Variants in PPP4R1 observed in about 807,000 individuals in gnomAD.
PPP4R1 encodes protein phosphatase 4 regulatory subunit 1, also known as serine/threonine-protein phosphatase 4 regulatory subunit 1.
Under a neutral mutation model 111.2 loss-of-function variants are expected in PPP4R1, and 42 were observed. The observed-to-expected ratio is 0.38, with a 90% CI of 0.29 to 0.49. The LOEUF (loss-of-function observed/expected upper bound fraction) is 0.49, where lower values mean the gene tolerates loss of function less well. Ranked by LOEUF, PPP4R1 falls within the 20% of genes least tolerant of loss-of-function variation. PPP4R1 has a pLI of 0.97. For missense variants in PPP4R1, 1,012 were observed against 1,161.6 expected (o/e 0.87, Z 1.87); for synonymous variants, 409 against 405.5 (o/e 1.01, Z -0.10).
intron 13 of PPP4R1, 140 bp downstream of exon 13, chr18:9,561,840 G>A: frequency 4.5e-6 from 3 of 660,762 alleles, no homozygotes; most frequent in South Asian, 3.6e-5. Context: ...CTACTACTTC[G>A]ATTTCCTTAT....
intron 11 of PPP4R1, among the ~76,000 whole-genome samples, chr18:9,569,527 T>G (rs967615341): frequency 6.6e-6 from 1 of 152,186 alleles, no homozygotes; most frequent in Non-Finnish European, 1.5e-5. Context: ...ACTTTAAAAC[T>G]GTAAAGCACT....
chr18:9,588,862 A>G lies in PPP4R1; in HGVS notation c.296-9T>C. 6.2e-7 allele frequency: 1 copy of G among 1,611,060 alleles called. No homozygotes were observed. The highest frequency in any genetic ancestry group is 8.5e-7 in the Non-Finnish European group (1 of 1,179,024). ...CGCTCTCACAGTTGGTTCTATTGAA[A>G]TAACGGCAATGTGAGCAAACATGTT... On this transcript the variant is annotated splice_polypyrimidine_tract_variant and intron_variant, in intron 4 of 19. Coordinates refer to ENST00000400556, the MANE Select transcript of PPP4R1 (RefSeq NM_001042388.3).
At chr18:9,564,093 T>G (rs1041685146) in intron 11 of PPP4R1, among the ~76,000 whole-genome samples, 11 of 152,184 alleles carry the variant, frequency 7.2e-5, no homozygotes, top group Non-Finnish European at 1.5e-4. Flanking sequence ...TAATCCCAAA[T>G]GAGCACTGTC....
intron 2 of PPP4R1, among the ~76,000 whole-genome samples, chr18:9,599,152 T>C (rs970078300): frequency 2.6e-5 from 4 of 152,184 alleles, no homozygotes; most frequent in South Asian, 2.1e-4. Context: ...TAAATATATA[T>C]TGTGGGGTTC....
intron 13 of PPP4R1, among the ~76,000 whole-genome samples, chr18:9,561,038 C>T (rs1205136847): frequency 2.0e-5 from 3 of 150,676 alleles, no homozygotes; most frequent in East Asian, 2.0e-4. Flanking sequence ...GCCAACACGG[C>T]GAAACACTGT....
intron 2 of PPP4R1, among the ~76,000 whole-genome samples, chr18:9,597,166 T>C (rs1192054555): frequency 6.6e-6 from 1 of 151,828 alleles, no homozygotes; most frequent in Non-Finnish European, 1.5e-5. Context: ...AGATAAAACA[T>C]ACGAAGCCAT....
intron 11 of PPP4R1, among the ~76,000 whole-genome samples, chr18:9,569,771 C>T (rs958771477): frequency 2.6e-5 from 4 of 152,108 alleles, no homozygotes; most frequent in African/African-American, 9.7e-5. Flanking sequence ...ACTATCAGAG[C>T]AAGCTGCTGC....
At chr18:9,548,293 A>G (rs1390767253) in intron 19 of PPP4R1, among the ~76,000 whole-genome samples, 5 of 151,962 alleles carry the variant, frequency 3.3e-5, no homozygotes, top group Admixed American at 2.0e-4. Context: ...AAAAAAAAAA[A>G]AAGGAGAAAA....
chr18:9,566,648 G>GACACACACACACAC (rs56772611), intron 11 of PPP4R1, among the ~76,000 whole-genome samples: 4 of 144,122 alleles, frequency 2.8e-5, no homozygotes, highest in Non-Finnish European at 6.1e-5. Context: ...GAGGCGCTGT[G>GACACACACACACAC]ACACACACAC....
At chr18:9,566,436 G>A (rs1431113250) in intron 11 of PPP4R1, among the ~76,000 whole-genome samples, 1 of 151,632 alleles carries the variant, frequency 6.6e-6, no homozygotes, top group Admixed American at 6.6e-5. Flanking sequence ...GATTACCTGA[G>A]GTGAAGAGTG....
At chr18:9,574,154 T>C (rs1377157358) in intron 10 of PPP4R1, among the ~76,000 whole-genome samples, 1 of 152,192 alleles carries the variant, frequency 6.6e-6, no homozygotes, top group Non-Finnish European at 1.5e-5. Context: ...TGTGACTCTG[T>C]ATAATGGGAA....
intron 2 of PPP4R1, among the ~76,000 whole-genome samples, chr18:9,609,959 C>T (rs680478): frequency 0.83 from 126,004 of 152,278 alleles, 52,678 homozygotes; most frequent in East Asian, 0.97. Flanking sequence ...TAGAATACCA[C>T]AGCCTACACA....
Position 9,588,098 on chromosome 18 carries a change from TTC to T in PPP4R1, c.574_575del (p.Glu192SerfsTer24). The T allele has an allele frequency of 6.2e-7, 1 of 1,613,910 alleles. No individual in the cohort carries two copies. Among genetic ancestry groups the T allele is most frequent in the Non-Finnish European group, 8.5e-7 (1 of 1,179,930 alleles). ...ATGGCATTTGACTTACAGCCACAGC[TTC>T]TGTTTTCACATCATCATTGCTATCT... Reference protein sequence around the residue: ...APDSNDDVKTEAVAIMCKMAP... With the variant: ...APDSNDDVKTXAVAIMCKMAP... On this transcript the variant is annotated frameshift_variant, in exon 6 of 20. Transcript: ENST00000400556. LOFTEE classifies it high-confidence loss of function.
intron 16 of PPP4R1, chr18:9,550,862 G>A (rs1009466711): frequency 6.5e-6 from 1 of 154,940 alleles, no homozygotes; most frequent in Non-Finnish European, 1.4e-5. Context: ...ACAGAGGGAG[G>A]GTGTCCTCCA....
rs2067162119 is a variant in PPP4R1 at position 9,588,757 on chromosome 18, A to C, written c.392T>G (p.Phe131Cys). The change falls in exon 5 of 20, where the codon TTC (phenylalanine) becomes TGC (cysteine). Residue 131 changes from phenylalanine (F) to cysteine (C), a missense_variant. Coordinates refer to ENST00000400556, the MANE Select transcript of PPP4R1 (RefSeq NM_001042388.3). ...GTATCTAACCACAATAGGTAGTAAG[A>C]ATTTTGAAAAAGCATATGGTATTGA... ...RPSIPYAFSK[F>C]LLPIVVRYLA... 1 of 1,613,754 alleles carries C rather than the reference A, an allele frequency of 6.2e-7. No individual in the cohort carries two copies.
chr18:9,576,277 T>C (rs1264569863), intron 10 of PPP4R1, among the ~76,000 whole-genome samples: 4 of 152,206 alleles, frequency 2.6e-5, no homozygotes, highest in Non-Finnish European at 4.4e-5. Context: ...TCAAGCATTA[T>C]AGCAGGGACT....
At chr18:9,550,786 G>C in intron 16 of PPP4R1, 1 of 181,400 alleles carries the variant, frequency 5.5e-6, no homozygotes, top group Non-Finnish European at 1.2e-5. Context: ...CCCGCAGAGG[G>C]AGGGAGTCCA....
At chr18:9,606,129 T>C (rs1170837217) in intron 2 of PPP4R1, among the ~76,000 whole-genome samples, 2 of 152,236 alleles carry the variant, frequency 1.3e-5, no homozygotes, top group Non-Finnish European at 1.5e-5. Context: ...CTTATTTAGC[T>C]TGGTGTGAAA....
At chr18:9,601,400 C>A (rs1004222145) in intron 2 of PPP4R1, among the ~76,000 whole-genome samples, 1 of 151,900 alleles carries the variant, frequency 6.6e-6, no homozygotes, top group African/African-American at 2.4e-5. Context: ...GTGGTACGTG[C>A]CTGAAATTCC....
Sources: gnomAD v4.1 joint callset for allele counts (sites outside exome capture counted in the v4.1 genomes callset) on GRCh38, gnomAD v4.1.1 for gene constraint, MANE v1.5 for transcripts, NCBI Gene and HGNC (gene_info 2026-07-23, HGNC 2026-07-21) for gene names.